Variants in POGLUT1 observed in about 807,000 individuals in gnomAD.
POGLUT1 encodes protein O-glucosyltransferase 1.
Under a neutral mutation model 61.3 loss-of-function variants are expected in POGLUT1, and 32 were observed. The observed-to-expected ratio is 0.52, with a 90% confidence interval of 0.39 to 0.70. The LOEUF is 0.70. Ranked by LOEUF, POGLUT1 falls within the 30% of genes least tolerant of loss-of-function variation. POGLUT1 has a pLI of 0.00. For synonymous variants in POGLUT1, 158 were observed against 158.2 expected (o/e 1.00, Z 0.01); for missense variants, 411 against 469.8 (o/e 0.87, Z 1.16).
chr3:119,478,272 G>T (rs1257460961), intron 4 of POGLUT1: 3 of 449,730 alleles, frequency 6.7e-6, no homozygotes, highest in African/African-American at 6.1e-5. Context: ...GATTTGGTTT[G>T]TCTAAAGCAG....
chr3:119,469,183 C>A (rs1577074191), intron 1 of POGLUT1, 77 bp downstream of exon 1: 2 of 1,179,042 alleles, frequency 1.7e-6, no homozygotes, highest in East Asian at 2.5e-5. Flanking sequence ...CCCCGCGCGG[C>A]CGGCTCCCGG....
intron 5 of POGLUT1, 105 bp from the exon 6 acceptor site, chr3:119,485,223 A>G (rs1210233046): frequency 1.3e-6 from 1 of 779,890 alleles, no homozygotes; most frequent in African/African-American, 1.8e-5. Context: ...TCTCAAAAAA[A>G]AAAAAGAAAT....
intron 5 of POGLUT1, 104 bp from the exon 6 acceptor site, chr3:119,485,224 A>T (rs2081651474): frequency 1.3e-6 from 1 of 782,940 alleles, no homozygotes; most frequent in Non-Finnish European, 2.1e-6. Context: ...CTCAAAAAAA[A>T]AAAAGAAATA....
At position 119,486,694 on chromosome 3, in the gene POGLUT1, C is replaced by T. The variant is rs2276713; in HGVS notation, c.639-139C>T. The T allele has an allele frequency of 0.19, 136,368 of 709,518 alleles. 14,303 individuals are homozygous for T. Among genetic ancestry groups the T allele is most frequent in the East Asian group, 0.29 (11,559 of 40,470 alleles). The allele number at this position is 709,518 out of a possible 1,614,324, so 44.0% of individuals were successfully genotyped here. ...TGCTGCAGTACCCAGTATACCCCTC[C>T]TCCGCTGTCACGTCACCAGTGAATT... is the stretch of plus-strand genomic sequence containing the variant. On this transcript the variant is annotated intron_variant, in intron 6 of 10. Transcript: ENST00000295588.
In POGLUT1 at chr3:119,469,366, G is replaced by T. The variant is rs75416321; in HGVS notation, c.85+260G>T. ...GGAATTCCCCGTTCACCCGCAGGAG[G>T]CGTGGCCCGTGCTTGGCTACTCTGG... is the stretch of plus-strand genomic sequence containing the variant. On this transcript the variant is annotated intron_variant, in intron 1 of 10. Transcript: ENST00000295588. The T allele has an allele frequency of 0.054, 31,327 of 580,154 alleles. 1,030 individuals are homozygous for T. Among genetic ancestry groups the T allele is most frequent in the Middle Eastern group, 0.078 (253 of 3,258 alleles). 35.9% of individuals were successfully genotyped at this position (580,154 alleles called of 1,614,324 possible). A position where few individuals can be genotyped will look rare whatever the true frequency, so the allele number is the denominator to read the frequency against.
intron 4 of POGLUT1, chr3:119,478,178 A>G (rs553426242): frequency 7.2e-5 from 26 of 361,898 alleles, no homozygotes; most frequent in African/African-American, 3.2e-4. Context: ...CAGGAAGGCT[A>G]GAAGAGAGTG....
chr3:119,484,998 C>A (rs554459729), intron 5 of POGLUT1, among the ~76,000 whole-genome samples: 24 of 152,090 alleles, frequency 1.6e-4, no homozygotes, highest in Non-Finnish European at 3.2e-4. Context: ...AGGCGGATCA[C>A]GAAGTCAGGA....
rs1179080606 is a variant in POGLUT1 at position 119,493,685 on chromosome 3, A to G, written c.*1247A>G. 6.6e-6 allele frequency: 1 copy of G among 152,170 alleles called. No homozygotes were observed. Among genetic ancestry groups the G allele is most frequent in the Non-Finnish European group, 1.5e-5 (1 of 68,020 alleles). The allele number at this position is 152,170 out of a possible 1,614,324, so 9.4% of individuals were successfully genotyped here. ...AATTATCAGACATTCCATTTGTCAGAAATGTATTTGGCTTTTTAAACTCCT... is the reference window on the plus strand; with the variant it reads ...AATTATCAGACATTCCATTTGTCAGGAATGTATTTGGCTTTTTAAACTCCT... On this transcript the variant is annotated 3_prime_UTR_variant, in exon 11 of 11. Transcript: ENST00000295588.
At chr3:119,475,456 A>G (rs968625353) in intron 3 of POGLUT1, among the ~76,000 whole-genome samples, 2 of 152,220 alleles carry the variant, frequency 1.3e-5, no homozygotes, top group Middle Eastern at 3.2e-3. Flanking sequence ...CACTCATGTA[A>G]ATATATATGT....
intron 3 of POGLUT1, among the ~76,000 whole-genome samples, chr3:119,472,683 T>C (rs2081489257): frequency 6.6e-6 from 1 of 152,066 alleles, no homozygotes; most frequent in South Asian, 2.1e-4. Context: ...GCCATTGCAC[T>C]CCAGGCTGGG....
At chr3:119,469,797 C>G (rs1489872805) in intron 1 of POGLUT1, 23 bp from the exon 2 acceptor site, 1 of 1,344,906 alleles carries the variant, frequency 7.4e-7, no homozygotes, top group Non-Finnish European at 1.1e-6. Flanking sequence ...TTTTTTAACT[C>G]TCATTTACTT....
chr3:119,479,249 T>C (rs560820061), intron 4 of POGLUT1, among the ~76,000 whole-genome samples: 31 of 152,248 alleles, frequency 2.0e-4, no homozygotes, highest in African/African-American at 7.5e-4. Context: ...TTTCAAAAGA[T>C]ATGTGATAAC....
chr3:119,490,369 C>G (rs1276930931), intron 8 of POGLUT1, 182 bp from the exon 9 acceptor site: 3 of 602,522 alleles, frequency 5.0e-6, no homozygotes, highest in Non-Finnish European at 5.9e-6. Context: ...AGTCCTAGCC[C>G]TGGTAAAGTG....
intron 7 of POGLUT1, among the ~76,000 whole-genome samples, chr3:119,487,711 A>G (rs146847512): frequency 1.3e-5 from 2 of 152,184 alleles, no homozygotes; most frequent in Admixed American, 1.3e-4. Context: ...TAACCATTTG[A>G]AATGTAAAAA....
At position 119,474,711 on chromosome 3, in the gene POGLUT1, C is replaced by T. The variant is rs376569603; in HGVS notation, c.321-2602C>T. Among the ~76,000 whole-genome samples, 200 of 152,120 alleles carry T rather than the reference C, an allele frequency of 1.3e-3. 2 individuals are homozygous for T. The highest frequency in any genetic ancestry group is 4.6e-3 in the African/African-American group (192 of 41,504). On this transcript the variant is annotated intron_variant, in intron 3 of 10. Coordinates refer to ENST00000295588, the MANE Select transcript of POGLUT1 (RefSeq NM_152305.3). ...AAATTTAGCCAGGCATGGTGGCAGG[C>T]GCCTGTAATCCCAGCTACTTGGGAG...
At chr3:119,477,526 A>G (rs570199328) in intron 4 of POGLUT1, 78 bp downstream of exon 4, 271 of 1,373,070 alleles carry the variant, frequency 2.0e-4, no homozygotes, top group African/African-American at 1.2e-3. Flanking sequence ...GTCCGGTGAC[A>G]TAGTCTGATG....
At position 119,485,211 on chromosome 3, in the gene POGLUT1, C is replaced by T. The variant is rs1475350841; in HGVS notation, c.579-117C>T. The T allele has an allele frequency of 1.4e-5, 9 of 637,634 alleles. No individual in the cohort carries two copies. In the East Asian group the frequency reaches 2.8e-4, roughly 20 times the overall value. The allele number at this position is 637,634 out of a possible 1,614,324, so 39.5% of individuals were successfully genotyped here. A position where few individuals can be genotyped will look rare whatever the true frequency, so the allele number is the denominator to read the frequency against. On this transcript the variant is annotated intron_variant, in intron 5 of 10. Transcript: ENST00000295588. ...CAGCCTGGACGACAGTGCGAGACTC[C>T]GTCTCAAAAAAAAAAAAGAAATATG... is the stretch of plus-strand genomic sequence containing the variant.
chr3:119,479,381 T>G (rs961963935), intron 4 of POGLUT1, among the ~76,000 whole-genome samples: 3 of 152,210 alleles, frequency 2.0e-5, no homozygotes, highest in Non-Finnish European at 4.4e-5. Context: ...CCAATATTTA[T>G]CAAGTATGTA....
intron 3 of POGLUT1, among the ~76,000 whole-genome samples, chr3:119,472,167 C>T (rs1445783078): frequency 6.6e-6 from 1 of 151,218 alleles, no homozygotes. Context: ...GGCAGCATTG[C>T]ACACACCAAA....
Sources: gnomAD v4.1 joint callset for allele counts (sites outside exome capture counted in the v4.1 genomes callset) on GRCh38, gnomAD v4.1.1 for gene constraint, MANE v1.5 for transcripts, NCBI Gene and HGNC (gene_info 2026-07-23, HGNC 2026-07-21) for gene names.